The following TMEM117 variants were observed in gnomAD, a reference collection of about 807,000 sequenced individuals.
TMEM117 encodes the protein transmembrane protein 117.
Under a neutral mutation model 52.4 loss-of-function variants are expected in TMEM117, and 27 were observed. That is an observed-to-expected ratio of 0.51 (90% CI 0.38 to 0.71). TMEM117 has a LOEUF of 0.71. Among genes scored for constraint, TMEM117 ranks in the 30% least tolerant of loss-of-function variants. The probability of loss-of-function intolerance (pLI) is 0.00; values close to 1 mark genes in which losing one functional copy is unlikely to be tolerated. For synonymous variants in TMEM117, 215 were observed against 206.3 expected, an observed-to-expected ratio of 1.04 and a Z score of -0.36; for missense variants, 556 against 630.5, an observed-to-expected ratio of 0.88 and a Z score of 1.26.
rs17094142 is a variant in TMEM117, at chr12:44,135,105, C to T, written c.411-8420C>T. On this transcript the variant is annotated intron_variant, in intron 3 of 7. Coordinates refer to ENST00000266534, the MANE Select transcript of TMEM117 (RefSeq NM_032256.3). ...CAGGGGATAAAACTGTGGTCTCCAA[C>T]AATCACTGGGTTATTTTCTCATATA... 1.9e-3 allele frequency among the ~76,000 whole-genome samples: 294 copies of T among 152,290 alleles called. 7 individuals carry two copies. In the East Asian group the frequency reaches 0.035, roughly 18 times the overall value.
At chr12:44,314,365 G>T (rs969732808) in intron 6 of TMEM117, among the ~76,000 whole-genome samples, 6 of 152,030 alleles carry the variant, frequency 3.9e-5, no homozygotes, top group Non-Finnish European at 7.4e-5. Flanking sequence ...TACAGTTTTG[G>T]TTTTTAATTC....
At chr12:43,842,577 C>T (rs1471566400) in intron 1 of TMEM117, among the ~76,000 whole-genome samples, 1 of 152,116 alleles carries the variant, frequency 6.6e-6, no homozygotes, top group African/African-American at 2.4e-5. Context: ...ACTCAGGAGC[C>T]TTGGAGGCTA....
At chr12:43,844,984 CAAG>C in intron 2 of TMEM117, 56 bp downstream of exon 2, 1 of 1,542,964 alleles carries the variant, frequency 6.5e-7, no homozygotes, top group South Asian at 1.3e-5. Context: ...TTCTATTCTC[CAAG>C]ATACAACTTT....
chr12:44,257,562 C>G (rs1357395764), intron 5 of TMEM117, among the ~76,000 whole-genome samples: 1 of 152,110 alleles, frequency 6.6e-6, no homozygotes, highest in African/African-American at 2.4e-5. Context: ...AGTTTCTCCT[C>G]TACATAAAAC....
chr12:43,841,788 C>G (rs1366850392), intron 1 of TMEM117, among the ~76,000 whole-genome samples: 1 of 152,106 alleles, frequency 6.6e-6, no homozygotes, highest in African/African-American at 2.4e-5. Context: ...GGGCCAGTTA[C>G]AAAGTCCATG....
Position 44,143,461 on chromosome 12 carries a change from C to G in TMEM117, c.411-64C>G. ...AGAAGTCCCTTTGCCTGTTGCTGAA[C>G]CAGAAAGCCTTAACTGTATGACTCT... On this transcript the variant is annotated intron_variant, in intron 3 of 7. Coordinates refer to ENST00000266534, the MANE Select transcript of TMEM117 (RefSeq NM_032256.3). The G allele has an allele frequency of 3.9e-6, 5 of 1,272,212 alleles. No homozygotes were observed. In the South Asian group the frequency reaches 5.7e-5, roughly 14 times the overall value. 78.8% of individuals were successfully genotyped at this position (1,272,212 alleles called of 1,614,324 possible). A position where few individuals can be genotyped will look rare whatever the true frequency, so the allele number is the denominator to read the frequency against.
intron 3 of TMEM117, among the ~76,000 whole-genome samples, chr12:44,083,957 C>G (rs1947525916): frequency 6.6e-6 from 1 of 151,842 alleles, no homozygotes; most frequent in Non-Finnish European, 1.5e-5. Context: ...CCTAAAAATA[C>G]AACAAAAAAC....
intron 3 of TMEM117, among the ~76,000 whole-genome samples, chr12:43,991,750 T>G (rs976369237): frequency 5.3e-5 from 8 of 151,902 alleles, no homozygotes; most frequent in Non-Finnish European, 7.4e-5. Context: ...AAGAGAGAGA[T>G]TGCTTATTAC....
chr12:44,297,657 A>T (rs971827291), intron 5 of TMEM117, among the ~76,000 whole-genome samples: 1 of 152,208 alleles, frequency 6.6e-6, no homozygotes, highest in Non-Finnish European at 1.5e-5. Flanking sequence ...CTACCAAAAA[A>T]CTTTGAATAA....
chr12:43,901,825 G>C (rs1944309815), intron 2 of TMEM117, among the ~76,000 whole-genome samples: 1 of 152,040 alleles, frequency 6.6e-6, no homozygotes, highest in Admixed American at 6.6e-5. Flanking sequence ...TTATGAATCT[G>C]TTTGCCTAAT....
Position 44,388,580 on chromosome 12 carries a change from T to G in TMEM117, c.1453T>G (p.Ser485Ala), listed in dbSNP as rs765543640. 8 of 1,613,400 alleles carry G rather than the reference T, an allele frequency of 5.0e-6. No individual in the cohort carries two copies. In the Admixed American group the frequency reaches 8.3e-5, roughly 17 times the overall value. Residue 485 changes from serine to alanine, a missense_variant, in exon 8 of 8, where the codon TCG becomes GCG. Coordinates refer to ENST00000266534, the MANE Select transcript of TMEM117 (RefSeq NM_032256.3). ...CGTCTACAAGTCTTCCCACCTAACC[T>G]CGGAAAACTTGAGCTCACAGTTGAA... The part of the protein sequence containing the change: ...EIVYKSSHLT[S>A]ENLSSQLNES...
At chr12:43,871,367 G>C (rs942167484) in intron 2 of TMEM117, among the ~76,000 whole-genome samples, 3 of 152,192 alleles carry the variant, frequency 2.0e-5, no homozygotes, top group Non-Finnish European at 4.4e-5. Context: ...GCCTCCCAAA[G>C]TACTAGGATT....
At chr12:43,900,068 C>T (rs1436759550) in intron 2 of TMEM117, among the ~76,000 whole-genome samples, 2 of 152,090 alleles carry the variant, frequency 1.3e-5, no homozygotes, top group African/African-American at 2.4e-5. Flanking sequence ...GTTTGGAGCC[C>T]ACTCACAACT....
chr12:44,067,135 C>T (rs1947233140), intron 3 of TMEM117, among the ~76,000 whole-genome samples: 1 of 152,140 alleles, frequency 6.6e-6, no homozygotes, highest in African/African-American at 2.4e-5. Context: ...AATTTAGTCA[C>T]CTCTTCAGGC....
chr12:43,796,653 A>T, the TMEM117 span, among the ~76,000 whole-genome samples: 2 of 152,116 alleles, frequency 1.3e-5, 1 homozygote, highest in East Asian at 3.8e-4. Flanking sequence ...AATGTCCTAT[A>T]AATTCTGCAC....
At chr12:44,054,434 G>A (rs1260710987) in intron 3 of TMEM117, among the ~76,000 whole-genome samples, 2 of 152,088 alleles carry the variant, frequency 1.3e-5, no homozygotes, top group African/African-American at 4.8e-5. Context: ...TGAACAATCG[G>A]TTTTGAAATT....
At chr12:43,930,096 T>G (rs116245035) in intron 2 of TMEM117, among the ~76,000 whole-genome samples, 4,547 of 152,284 alleles carry the variant, frequency 0.03, 210 homozygotes, top group African/African-American at 0.1. Context: ...TGTTTCTGAT[T>G]TGTCCTTACT....
At chr12:44,209,475 CAA>C (rs1300724147) in intron 4 of TMEM117, among the ~76,000 whole-genome samples, 1 of 151,954 alleles carries the variant, frequency 6.6e-6, no homozygotes, top group Non-Finnish European at 1.5e-5. Flanking sequence ...TAAAAATAAG[CAA>C]AAAGTGTTTT....
At chr12:44,064,889 G>C (rs2137965468) in intron 3 of TMEM117, among the ~76,000 whole-genome samples, 1 of 152,164 alleles carries the variant, frequency 6.6e-6, no homozygotes, top group East Asian at 1.9e-4. Flanking sequence ...GTAGATTTTA[G>C]GTGCTCTTAC....
Sources: gnomAD v4.1 joint callset for allele counts (sites outside exome capture counted in the v4.1 genomes callset) on GRCh38, gnomAD v4.1.1 for gene constraint, MANE v1.5 for transcripts, NCBI Gene and HGNC (gene_info 2026-07-23, HGNC 2026-07-21) for gene names.